TNKS1BP1: variants seen among roughly 807,000 people sequenced by gnomAD.
TNKS1BP1 encodes the protein CCR4-NOT transcription complex subunit 12.
A neutral mutation model predicts 141.1 loss-of-function variants in TNKS1BP1; 48 were observed. The ratio of observed to expected loss-of-function variants is 0.34; its 90% CI spans 0.27 to 0.43. TNKS1BP1 has a LOEUF of 0.43. Among genes scored for constraint, TNKS1BP1 ranks in the 20% least tolerant of loss-of-function variants. The probability of loss-of-function intolerance (pLI) is 1.00; values close to 1 mark genes in which losing one functional copy is unlikely to be tolerated. For missense variants in TNKS1BP1, 2,149 were observed against 2,226.0 expected (o/e 0.97, Z 0.70); for synonymous variants, 875 against 898.2 (o/e 0.97, Z 0.46).
At position 57,313,313 on chromosome 11, in the gene TNKS1BP1, C is replaced by A; in HGVS notation, c.1375G>T (p.Ala459Ser). 6.2e-7 allele frequency: 1 copy of A among 1,612,982 alleles called. No homozygotes were observed. Among genetic ancestry groups the A allele is most frequent in the Non-Finnish European group, 8.5e-7 (1 of 1,179,964 alleles). The change falls in exon 5 of 12, where the codon GCC becomes TCC. Residue 459 changes from alanine (A) to serine (S), a missense_variant. Coordinates refer to ENST00000358252, the MANE Select transcript of TNKS1BP1 (RefSeq NM_033396.3). Reference protein sequence around the residue: ...ALPQGQGSQLALDRPFGAESN... With the variant: ...ALPQGQGSQLSLDRPFGAESN... The stretch of plus-strand genomic sequence containing the variant: ...TCTGCCCCAAAGGGACGATCCAGGG[C>A]CAACTGGCTCCCCTGGCCTTGGGGC...
In TNKS1BP1 at chr11:57,309,431, C is replaced by T; in HGVS notation, c.3280G>A (p.Val1094Ile). ...AATGCTGCCTCTCGCTGGGGGCCAACACTGAGGCTAAACTCACCGACCCAG... is the reference window on the plus strand; with the variant it reads ...AATGCTGCCTCTCGCTGGGGGCCAATACTGAGGCTAAACTCACCGACCCAG... ...RGWVGEFSLS[V>I]GPQREAAFSP... Residue 1094 changes from valine (V) to isoleucine (I), a missense_variant, in exon 6 of 12, where the codon GTT (valine) becomes ATT (isoleucine). Transcript: ENST00000358252. This position sits in a 1 kb window ranked among gnomAD's most constrained non-coding sequence, Gnocchi z 4.3. 3 of 1,614,174 alleles carry T rather than the reference C, an allele frequency of 1.9e-6. No individual in the cohort carries two copies. The highest frequency in any genetic ancestry group is 2.2e-5 in the South Asian group (2 of 91,082).
chr11:57,308,306 C>G, intron 6 of TNKS1BP1, 89 bp downstream of exon 6: 2 of 1,498,164 alleles, frequency 1.3e-6, no homozygotes, highest in Admixed American at 4.6e-5. Flanking sequence ...TCAGGAAAAA[C>G]TGTTTCTTCC....
chr11:57,316,773 T>C (rs1855805674), intron 4 of TNKS1BP1, among the ~76,000 whole-genome samples: 1 of 152,152 alleles, frequency 6.6e-6, no homozygotes, highest in African/African-American at 2.4e-5. Flanking sequence ...ATGCTGCTGA[T>C]CTTACCTCCC....
intron 5 of TNKS1BP1, chr11:57,311,102 G>T: frequency 2.2e-6 from 1 of 456,660 alleles, no homozygotes; most frequent in Non-Finnish European, 2.9e-6. Context: ...AGTGCCGTCT[G>T]CTCAATCTTC....
chr11:57,323,071 G>A (rs1330467792), intron 1 of TNKS1BP1, among the ~76,000 whole-genome samples: 1 of 152,110 alleles, frequency 6.6e-6, no homozygotes, highest in Non-Finnish European at 1.5e-5. Context: ...GACCCTGAGG[G>A]GGCTTACATG....
In TNKS1BP1 at chr11:57,308,474, C is replaced by A; in HGVS notation, c.4237G>T (p.Asp1413Tyr). 1.2e-6 allele frequency: 2 copies of A among 1,614,174 alleles called. No homozygotes were observed. Among genetic ancestry groups the A allele is most frequent in the African/African-American group, 1.3e-5 (1 of 75,034 alleles). ...ETSGPETQGE[D>Y]YSSSSLEPHP... ...GGCTCCAAGGAAGACGAGGAGTAAT[C>A]TTCACCCTGGGTCTCTGGCCCACTT... Residue 1413 changes from aspartate (D) to tyrosine (Y), a missense_variant, in exon 6 of 12, where the codon GAT becomes TAT. By Grantham distance (160) the Asp-to-Tyr change is radical (BLOSUM62 -3). Coordinates refer to ENST00000358252, the MANE Select transcript of TNKS1BP1 (RefSeq NM_033396.3).
rs1168043638 is a variant in TNKS1BP1, at chr11:57,302,391, C to T, written c.4683+68G>A. The T allele has an allele frequency of 1.9e-6, 3 of 1,545,142 alleles. No individual in the cohort carries two copies. The highest frequency in any genetic ancestry group is 1.4e-5 in the African/African-American group (1 of 73,672). On this transcript the variant is annotated intron_variant, in intron 7 of 11. Coordinates refer to ENST00000358252, the MANE Select transcript of TNKS1BP1 (RefSeq NM_033396.3). This position sits in a 1 kb window ranked among gnomAD's most constrained non-coding sequence, Gnocchi z 5.5. Reference sequence around the variant, plus strand: ...CCTGGACTGGGACTGCTCAGGGAAGCTCCAGGAATGGGGCTCTCGCTGCAT... The same window carrying T: ...CCTGGACTGGGACTGCTCAGGGAAGTTCCAGGAATGGGGCTCTCGCTGCAT...
intron 11 of TNKS1BP1, 95 bp downstream of exon 11, chr11:57,300,433 G>T: frequency 1.8e-6 from 2 of 1,112,618 alleles, no homozygotes; most frequent in Non-Finnish European, 2.7e-6. Context: ...CACAGAAAGG[G>T]GTGGGAGCTA....
chr11:57,308,467 G>A lies in TNKS1BP1; in HGVS notation c.4244C>T (p.Ser1415Phe), dbSNP rs1316627466. ...SGPETQGEDYSSSSLEPHPAD... is the reference protein window; with the variant it reads ...SGPETQGEDYFSSSLEPHPAD... ...AGGGTGTGGCTCCAAGGAAGACGAGGAGTAATCTTCACCCTGGGTCTCTGG... is the reference window on the plus strand; with the variant it reads ...AGGGTGTGGCTCCAAGGAAGACGAGAAGTAATCTTCACCCTGGGTCTCTGG... Residue 1415 changes from serine to phenylalanine, a missense_variant, in exon 6 of 12, where the codon TCC becomes TTC. Physicochemically the swap from Ser to Phe is radical, Grantham distance 155 (BLOSUM62 -2). Coordinates refer to ENST00000358252, the MANE Select transcript of TNKS1BP1 (RefSeq NM_033396.3). The A allele has an allele frequency of 1.2e-6, 2 of 1,614,144 alleles. No individual in the cohort carries two copies. Among genetic ancestry groups the A allele is most frequent in the Non-Finnish European group, 1.7e-6 (2 of 1,180,012 alleles).
rs1037533694 is a variant in TNKS1BP1, at chr11:57,308,663, G to A, written c.4048C>T (p.Pro1350Ser). The A allele has an allele frequency of 2.5e-6, 4 of 1,612,970 alleles. No individual in the cohort carries two copies. Among genetic ancestry groups the A allele is most frequent in the Admixed American group, 1.7e-5 (1 of 60,020 alleles). The part of the protein sequence containing the change: ...GQMDWTQDLA[P>S]QNVELFGAPS... The stretch of plus-strand genomic sequence containing the variant: ...GCCCCAAAGAGCTCCACATTCTGGG[G>A]CGCCAAGTCCTGGGTCCAGTCCATC... The change falls in exon 6 of 12, where the codon CCC (proline) becomes TCC (serine). Residue 1350 changes from proline to serine, a missense_variant. Physicochemically the swap from Pro to Ser is moderately conservative, Grantham distance 74. Coordinates refer to ENST00000358252, the MANE Select transcript of TNKS1BP1 (RefSeq NM_033396.3).
Position 57,310,370 on chromosome 11 carries a change from C to T in TNKS1BP1, c.2341G>A (p.Gly781Arg), listed in dbSNP as rs1349255979. The change falls in exon 6 of 12, where the codon GGA becomes AGA. Residue 781 changes from glycine to arginine, a missense_variant. Coordinates refer to ENST00000358252, the MANE Select transcript of TNKS1BP1 (RefSeq NM_033396.3). ...TCCCTGGTGCTCCCTTCCCCTGCTC[C>T]TTGCCCATACTTGCTGGTCCAGTCC... is the stretch of plus-strand genomic sequence containing the variant. ...ERDWTSKYGQ[G>R]AGEGSTREWA... 4 of 1,614,126 alleles carry T rather than the reference C, an allele frequency of 2.5e-6. No homozygotes were observed. The highest frequency in any genetic ancestry group is 3.3e-5 in the Admixed American group (2 of 60,024).
At position 57,302,257 on chromosome 11, in the gene TNKS1BP1, G is replaced by A; in HGVS notation, c.4684-33C>T. On this transcript the variant is annotated intron_variant, in intron 7 of 11. Coordinates refer to ENST00000358252, the MANE Select transcript of TNKS1BP1 (RefSeq NM_033396.3). This position sits in a 1 kb window ranked among gnomAD's most constrained non-coding sequence, Gnocchi z 5.5. ...GGGCAATGGTGACACCACTGCCATT[G>A]CTGCCTCATCCCACGGGAGCCCCTC... 6.3e-7 allele frequency: 1 copy of A among 1,592,790 alleles called. No homozygotes were observed.
Position 57,301,907 on chromosome 11 carries a change from T to C in TNKS1BP1, c.4871A>G (p.Glu1624Gly). 1 of 1,613,872 alleles carries C rather than the reference T, an allele frequency of 6.2e-7. No individual in the cohort carries two copies. The highest frequency in any genetic ancestry group is 1.3e-5 in the African/African-American group (1 of 74,930). ...RASRVPSSDEEVVEEPQSRRT... is the reference protein window; with the variant it reads ...RASRVPSSDEGVVEEPQSRRT... ...GCGGCTCTGAGGTTCCTCCACTACC[T>C]CTTCATCTGAAGATGGCACCCGAGA... Residue 1624 changes from glutamate to glycine, a missense_variant, in exon 9 of 12, where the codon GAG (glutamate) becomes GGG (glycine). By Grantham distance (98) the Glu-to-Gly change is moderately conservative. Transcript: ENST00000358252.
At chr11:57,307,529 T>C (rs1271837182) in intron 6 of TNKS1BP1, among the ~76,000 whole-genome samples, 2 of 151,700 alleles carry the variant, frequency 1.3e-5, no homozygotes, top group Non-Finnish European at 2.9e-5. Context: ...CCTGCTCCTC[T>C]CCTCCCACCA....
chr11:57,302,719 C>T lies in TNKS1BP1; in HGVS notation c.4423G>A (p.Ala1475Thr), dbSNP rs745879669. ...SKAVARRESA[A>T]SGLGGLLEEE... ...TCCAACAGGCCCCCAAGGCCCGAGGCCGCTGACTCCCTCCGAGCCACCGCC... is the reference window on the plus strand; with the variant it reads ...TCCAACAGGCCCCCAAGGCCCGAGGTCGCTGACTCCCTCCGAGCCACCGCC... Residue 1475 changes from alanine to threonine, a missense_variant, in exon 7 of 12, where the codon GCC becomes ACC. Transcript: ENST00000358252. The surrounding 1 kb of genome is among the most constrained non-coding windows in gnomAD (Gnocchi z 5.5). 5.0e-6 allele frequency: 8 copies of T among 1,598,312 alleles called. No individual in the cohort carries two copies. The highest frequency in any genetic ancestry group is 6.8e-6 in the Non-Finnish European group (8 of 1,175,996).
intron 6 of TNKS1BP1, among the ~76,000 whole-genome samples, chr11:57,304,910 G>A (rs1855585467): frequency 6.7e-6 from 1 of 150,348 alleles, no homozygotes; most frequent in African/African-American, 2.4e-5. Flanking sequence ...CTCCTAAAGC[G>A]AGAGGTGGCC....
At chr11:57,319,700 G>C (rs1298761852) in intron 3 of TNKS1BP1, among the ~76,000 whole-genome samples, 1 of 149,376 alleles carries the variant, frequency 6.7e-6, no homozygotes, top group Non-Finnish European at 1.5e-5. Flanking sequence ...CTGGGAGGCA[G>C]AGGTTGCAGT....
chr11:57,301,852 C>A lies in TNKS1BP1; in HGVS notation c.4926G>T (p.Gly1642=), dbSNP rs1180603763. Residue 1642 remains glycine, a synonymous_variant, in exon 9 of 12, where the codon GGG becomes GGT. Transcript: ENST00000358252. ...RRTRMSLGTK[G]LKVNLFPGLS... ...GGCCAGGAAAGAGGTTGACTTTCAGCCCCTTGGTGCCCAACGACATCCGTG... is the reference window on the plus strand; with the variant it reads ...GGCCAGGAAAGAGGTTGACTTTCAGACCCTTGGTGCCCAACGACATCCGTG... 1.2e-6 allele frequency: 2 copies of A among 1,614,060 alleles called. No homozygotes were observed. Among genetic ancestry groups the A allele is most frequent in the East Asian group, 2.2e-5 (1 of 44,894 alleles).
intron 6 of TNKS1BP1, 133 bp downstream of exon 6, chr11:57,308,262 C>G: frequency 7.7e-7 from 1 of 1,304,882 alleles, no homozygotes; most frequent in Non-Finnish European, 1.0e-6. Context: ...ATTCTTAGTC[C>G]AAAATGTCTC....
Sources: gnomAD v4.1 joint callset for allele counts (sites outside exome capture counted in the v4.1 genomes callset) on GRCh38, gnomAD v4.1.1 for gene constraint, Gnocchi (gnomAD v3.1) non-coding constraint, MANE v1.5 for transcripts, NCBI Gene and HGNC (gene_info 2026-07-23, HGNC 2026-07-21) for gene names.